SLC4A4: variants seen among roughly 807,000 people sequenced by gnomAD.
SLC4A4 encodes the protein solute carrier family 4 member 4.
SLC4A4 carries 27 observed loss-of-function variants against 111.5 expected under a neutral mutation model. The ratio of observed to expected loss-of-function variants is 0.24; its 90% CI spans 0.18 to 0.33. The LOEUF is 0.33. Among genes scored for constraint, SLC4A4 ranks in the 10% least tolerant of loss-of-function variants. The probability of loss-of-function intolerance (pLI) is 1.00; values close to 1 mark genes in which losing one functional copy is unlikely to be tolerated. For synonymous variants in SLC4A4, 443 were observed against 463.4 expected, an observed-to-expected ratio of 0.96 and a Z score of 0.57; for missense variants, 909 against 1,315.5, an observed-to-expected ratio of 0.69 and a Z score of 4.78.
At chr4:71,161,036 T>C (rs1410341806) in intron 2 of SLC4A4, among the ~76,000 whole-genome samples, 1 of 152,198 alleles carries the variant, frequency 6.6e-6, no homozygotes, top group Non-Finnish European at 1.5e-5. Flanking sequence ...TAGGGCTCTA[T>C]GCCTGGGGGC....
In SLC4A4 at chr4:71,525,300, G is replaced by A. The variant is rs377445545; in HGVS notation, c.2167-6762G>A. 2.4e-4 allele frequency among the ~76,000 whole-genome samples: 36 copies of A among 152,082 alleles called. 2 individuals are homozygous for A. Among genetic ancestry groups the A allele is most frequent in the East Asian group, 1.5e-3 (8 of 5,166 alleles). Reference sequence around the variant, plus strand: ...ATTGAGATACTGTCTAATTAATCCCGCAGAGGACAGAAATATTATTCTCCT... The same window carrying A: ...ATTGAGATACTGTCTAATTAATCCCACAGAGGACAGAAATATTATTCTCCT... On this transcript the variant is annotated intron_variant, in intron 16 of 25. Transcript: ENST00000264485.
intron 6 of SLC4A4, among the ~76,000 whole-genome samples, chr4:71,359,677 T>C (rs986375224): frequency 5.3e-5 from 8 of 152,218 alleles, no homozygotes; most frequent in Admixed American, 4.6e-4. Context: ...AAATTTCTAA[T>C]AAATGGAATG....
At chr4:71,423,045 A>G (rs77763502) in intron 7 of SLC4A4, among the ~76,000 whole-genome samples, 92,970 of 151,966 alleles carry the variant, frequency 0.61, 31,058 homozygotes, top group Non-Finnish European at 0.75. Flanking sequence ...AGGAAGTCAA[A>G]TTGTCCCTGT....
intron 7 of SLC4A4, among the ~76,000 whole-genome samples, chr4:71,401,354 T>C (rs1720347677): frequency 6.6e-6 from 1 of 152,174 alleles, no homozygotes; most frequent in South Asian, 2.1e-4. Context: ...ATAGCCAGAA[T>C]TTAGGTGATT....
intron 1 of SLC4A4, among the ~76,000 whole-genome samples, chr4:71,227,343 A>G (rs1170922569): frequency 6.6e-6 from 1 of 152,186 alleles, no homozygotes; most frequent in Non-Finnish European, 1.5e-5. Flanking sequence ...CTTCCATGTA[A>G]TGAAGAAACA....
chr4:71,071,216 G>C (rs932157038), intron 1 of SLC4A4, among the ~76,000 whole-genome samples: 2 of 148,750 alleles, frequency 1.3e-5, no homozygotes, highest in African/African-American at 5.0e-5. Flanking sequence ...GTTGCAGTGA[G>C]CCGAGATCAC....
intron 2 of SLC4A4, among the ~76,000 whole-genome samples, chr4:71,141,404 C>T (rs183763805): frequency 6.6e-6 from 1 of 152,274 alleles, no homozygotes; most frequent in Admixed American, 6.5e-5. Context: ...CTATTCTTTC[C>T]CTCATTCATG....
At chr4:71,339,817 T>C (rs1197269957) in intron 4 of SLC4A4, among the ~76,000 whole-genome samples, 1 of 152,156 alleles carries the variant, frequency 6.6e-6, no homozygotes, top group Admixed American at 6.5e-5. Context: ...AGAGAGATAA[T>C]AAACTCAGGT....
chr4:71,174,789 C>T (rs1460458876), intron 2 of SLC4A4, among the ~76,000 whole-genome samples: 1 of 152,186 alleles, frequency 6.6e-6, no homozygotes, highest in African/African-American at 2.4e-5. Context: ...TTTGCCCAGG[C>T]TGGAGTGCAG....
intron 6 of SLC4A4, among the ~76,000 whole-genome samples, chr4:71,382,371 C>T (rs1718234797): frequency 6.6e-6 from 1 of 152,118 alleles, no homozygotes; most frequent in Non-Finnish European, 1.5e-5. Flanking sequence ...TTGTCATGAA[C>T]ATTCTAAGCT....
At chr4:71,476,955 C>T (rs1728431851) in intron 14 of SLC4A4, among the ~76,000 whole-genome samples, 1 of 151,634 alleles carries the variant, frequency 6.6e-6, no homozygotes, top group South Asian at 2.1e-4. Flanking sequence ...TTGATGATTA[C>T]ATAGCAGAGT....
intron 7 of SLC4A4, among the ~76,000 whole-genome samples, chr4:71,418,913 C>T (rs1353640924): frequency 6.6e-6 from 1 of 152,204 alleles, no homozygotes; most frequent in African/African-American, 2.4e-5. Flanking sequence ...TTCTAACAGA[C>T]AGGACACTCA....
At position 71,336,706 on chromosome 4, in the gene SLC4A4, A is replaced by G. The variant is rs28508306; in HGVS notation, c.254-2664A>G. Among the ~76,000 whole-genome samples the G allele has an allele frequency of 9.3e-3, 1,419 of 152,304 alleles. 27 individuals are homozygous for G. Among genetic ancestry groups the G allele is most frequent in the African/African-American group, 0.032 (1,325 of 41,562 alleles). On this transcript the variant is annotated intron_variant, in intron 3 of 25. Transcript: ENST00000264485. ...CTCCTTGAATGTGAAGTTTTTAGCCAGTATCACTTTCTCTAGGACATCATC... is the reference window on the plus strand; with the variant it reads ...CTCCTTGAATGTGAAGTTTTTAGCCGGTATCACTTTCTCTAGGACATCATC...
intron 1 of SLC4A4, among the ~76,000 whole-genome samples, chr4:71,084,365 T>C (rs1309824926): frequency 6.6e-6 from 1 of 152,088 alleles, no homozygotes; most frequent in Non-Finnish European, 1.5e-5. Context: ...CAACTCCCAT[T>C]TAAACCCACA....
intron 7 of SLC4A4, among the ~76,000 whole-genome samples, chr4:71,405,200 T>C (rs974252458): frequency 1.5e-4 from 23 of 152,220 alleles, no homozygotes; most frequent in African/African-American, 5.3e-4. Context: ...ATTCAAAATA[T>C]ACAACAATGC....
intron 2 of SLC4A4, among the ~76,000 whole-genome samples, chr4:71,237,524 G>C (rs1388758050): frequency 6.6e-6 from 1 of 152,060 alleles, no homozygotes; most frequent in Non-Finnish European, 1.5e-5. Flanking sequence ...TTTGTGTTTT[G>C]GAGATTCTGA....
At chr4:71,490,805 C>T (rs1319123529) in intron 15 of SLC4A4, among the ~76,000 whole-genome samples, 1 of 151,770 alleles carries the variant, frequency 6.6e-6, no homozygotes, top group African/African-American at 2.4e-5. Context: ...GAATTCTGCT[C>T]TGTCACCCCA....
At chr4:71,176,705 G>C (rs1229560869) in intron 2 of SLC4A4, among the ~76,000 whole-genome samples, 1 of 152,212 alleles carries the variant, frequency 6.6e-6, no homozygotes, top group Non-Finnish European at 1.5e-5. Context: ...ACGTCTGATT[G>C]GTGTACCTGA....
chr4:71,183,276 A>T (rs1487110325), upstream of SLC4A4, among the ~76,000 whole-genome samples: 1 of 152,214 alleles, frequency 6.6e-6, no homozygotes, highest in Non-Finnish European at 1.5e-5. Context: ...TAAAAACGAC[A>T]GTTGGATATG....
Sources: gnomAD v4.1 joint callset for allele counts (sites outside exome capture counted in the v4.1 genomes callset) on GRCh38, gnomAD v4.1.1 for gene constraint, MANE v1.5 for transcripts, NCBI Gene and HGNC (gene_info 2026-07-23, HGNC 2026-07-21) for gene names.